The following UNKL variants were observed in gnomAD, a reference collection of about 807,000 sequenced individuals.
UNKL encodes putative E3 ubiquitin-protein ligase UNKL.
In UNKL, 60 loss-of-function variants were observed where a neutral mutation model predicts 78.0. The observed-to-expected ratio is 0.77, with a 90% confidence interval of 0.63 to 0.95. UNKL has a LOEUF of 0.95. Ranked by LOEUF, UNKL falls within the 40% of genes least tolerant of loss-of-function variation. The pLI is 0.00. For missense variants in UNKL, 1,159 were observed against 1,045.7 expected (o/e 1.11, Z -1.49); for synonymous variants, 608 against 474.8 (o/e 1.28, Z -3.65).
intron 10 of UNKL, among the ~76,000 whole-genome samples, chr16:1,378,573 G>A (rs1231701904): frequency 6.6e-6 from 1 of 152,230 alleles, no homozygotes; most frequent in Non-Finnish European, 1.5e-5. Context: ...TGCGCAGCAT[G>A]TGGAGGGGCT....
Position 1,367,245 on chromosome 16 carries a change from T to G in UNKL, c.1893A>C (p.Ala631=). 6.3e-7 allele frequency: 1 copy of G among 1,592,296 alleles called. No individual in the cohort carries two copies. Among genetic ancestry groups the G allele is most frequent in the Non-Finnish European group, 8.5e-7 (1 of 1,172,920 alleles). ...GCTCCTCCTGCAGCTGCTTCACCTG[T>G]GCCTCCACCTCCTCCTTCTTCTGCA... is the stretch of plus-strand genomic sequence containing the variant. The part of the protein sequence containing the change: ...LALQKKEEVE[A]QVKQLQEELE... The change falls in exon 14 of 15, where the codon GCA becomes GCC. Residue 631 remains alanine (A), a synonymous_variant. Coordinates refer to ENST00000389221, the MANE Select transcript of UNKL (RefSeq NM_001372107.1).
chr16:1,380,364 G>A (rs1182107796), intron 10 of UNKL, among the ~76,000 whole-genome samples: 2 of 152,198 alleles, frequency 1.3e-5, no homozygotes, highest in African/African-American at 2.4e-5. Flanking sequence ...CACGCAGCCA[G>A]GCGGGCCTAC....
In UNKL at chr16:1,394,235, A is replaced by C; in HGVS notation, c.853-20T>G. On this transcript the variant is annotated intron_variant, in intron 6 of 14. Coordinates refer to ENST00000389221, the MANE Select transcript of UNKL (RefSeq NM_001372107.1). ...GTAGATCTGGGGAAAAAAGTGAAAT[A>C]AAGAGGTTGGATTGGAAATGGGATT... 1 of 1,550,154 alleles carries C rather than the reference A, an allele frequency of 6.5e-7. No individual in the cohort carries two copies. Among genetic ancestry groups the C allele is most frequent in the South Asian group, 1.2e-5 (1 of 84,052 alleles).
chr16:1,398,679 G>GCCGCCCCCCCC, intron 5 of UNKL: 3 of 1,356,134 alleles, frequency 2.2e-6, no homozygotes, highest in East Asian at 3.3e-5. Context: ...TGTGGGGTCT[G>GCCGCCCCCCCC]CACCCCCCCA....
intron 11 of UNKL, 29 bp downstream of exon 11, chr16:1,371,490 G>A (rs1326451595): frequency 2.0e-6 from 3 of 1,532,442 alleles, no homozygotes; most frequent in Non-Finnish European, 2.6e-6. Context: ...GGCTGGAGGA[G>A]CAGGGCCCCA....
chr16:1,382,994 T>A (rs1022305805), intron 10 of UNKL, among the ~76,000 whole-genome samples: 1 of 147,780 alleles, frequency 6.8e-6, no homozygotes, highest in Non-Finnish European at 1.5e-5. Flanking sequence ...GCACAGTGGC[T>A]CACACCTGCA....
At position 1,414,669 on chromosome 16, in the gene UNKL, G is replaced by A. The variant is rs760809815; in HGVS notation, c.23C>T (p.Ala8Val). ...GGGGGACCCGCTCAGCGCCGCTGCC[G>A]CCGCTTTCGAAACCGACGGCATTTT... MPSVSKA[A>V]AAALSGSPPQ... Residue 8 changes from alanine (A) to valine (V), a missense_variant, in exon 1 of 15, where the codon GCG (alanine) becomes GTG (valine). Physicochemically the swap from Ala to Val is moderately conservative, Grantham distance 64 (BLOSUM62 0). Coordinates refer to ENST00000389221, the MANE Select transcript of UNKL (RefSeq NM_001372107.1). 6.1e-6 allele frequency: 7 copies of A among 1,152,130 alleles called. No homozygotes were observed. Among genetic ancestry groups the A allele is most frequent in the East Asian group, 6.4e-5 (1 of 15,612 alleles). 71.4% of individuals were successfully genotyped at this position (1,152,130 alleles called of 1,614,324 possible).
chr16:1,399,632 G>T lies in UNKL; in HGVS notation c.599-123C>A. ...AAGGGGCTGCAGGAGGACTTGGGGA[G>T]CGCAGACACACGCCACGGCACACGC... On this transcript the variant is annotated intron_variant, in intron 4 of 14. Transcript: ENST00000389221. This position sits in a 1 kb window ranked among gnomAD's most constrained non-coding sequence, Gnocchi z 5.8. 7.0e-7 allele frequency: 1 copy of T among 1,427,628 alleles called. No individual in the cohort carries two copies. Among genetic ancestry groups the T allele is most frequent in the Non-Finnish European group, 9.5e-7 (1 of 1,057,862 alleles). The allele number at this position is 1,427,628 out of a possible 1,614,324, so 88.4% of individuals were successfully genotyped here. A position where few individuals can be genotyped will look rare whatever the true frequency, so the allele number is the denominator to read the frequency against.
At position 1,399,079 on chromosome 16, in the gene UNKL, C is replaced by A; in HGVS notation, c.734+295G>T. ...CGGGTGGGGCACACGGGGGTCCCAG[C>A]TGGGCTTGGGGTCCCTCCTGCAGTG... On this transcript the variant is annotated intron_variant, in intron 5 of 14. Transcript: ENST00000389221. The surrounding 1 kb of genome is among the most constrained non-coding windows in gnomAD (Gnocchi z 5.8). The A allele has an allele frequency of 7.4e-7, 1 of 1,342,436 alleles. No individual in the cohort carries two copies. Among genetic ancestry groups the A allele is most frequent in the Non-Finnish European group, 9.9e-7 (1 of 1,015,164 alleles). 83.2% of individuals were successfully genotyped at this position (1,342,436 alleles called of 1,614,324 possible).
chr16:1,403,073 C>T lies in UNKL; in HGVS notation c.464+95G>A. ...AGATTTGGGCCAGCAGAGCCTGCAG[C>T]AGCAGGGAGGCGAGCCACTTGCCGA... On this transcript the variant is annotated intron_variant, in intron 3 of 14. Transcript: ENST00000389221. This position sits in a 1 kb window ranked among gnomAD's most constrained non-coding sequence, Gnocchi z 4.8. The T allele has an allele frequency of 7.2e-7, 1 of 1,394,882 alleles. No homozygotes were observed. The highest frequency in any genetic ancestry group is 9.6e-7 in the Non-Finnish European group (1 of 1,045,592). 86.4% of individuals were successfully genotyped at this position (1,394,882 alleles called of 1,614,324 possible). A position where few individuals can be genotyped will look rare whatever the true frequency, so the allele number is the denominator to read the frequency against.
chr16:1,368,418 A>T (rs563354957), intron 12 of UNKL, among the ~76,000 whole-genome samples: 2 of 151,294 alleles, frequency 1.3e-5, no homozygotes, highest in East Asian at 2.0e-4. Context: ...CTGGCTAACA[A>T]GGTGAAACCC....
chr16:1,404,817 C>T (rs988634007), intron 2 of UNKL, among the ~76,000 whole-genome samples: 2 of 152,020 alleles, frequency 1.3e-5, no homozygotes, highest in African/African-American at 4.8e-5. Flanking sequence ...AGGCTTCCGT[C>T]CACAAGACAG....
intron 2 of UNKL, among the ~76,000 whole-genome samples, chr16:1,413,464 A>C (rs2038139137): frequency 6.6e-6 from 1 of 151,956 alleles, no homozygotes; most frequent in Non-Finnish European, 1.5e-5. Context: ...GCTACTCCGG[A>C]GGCTGAGGCA....
intron 2 of UNKL, among the ~76,000 whole-genome samples, chr16:1,406,299 G>A (rs2037760218): frequency 6.6e-6 from 1 of 151,096 alleles, no homozygotes; most frequent in South Asian, 2.1e-4. Flanking sequence ...TGCAACCTCT[G>A]CCTCCTGCGT....
chr16:1,401,404 C>A, intron 4 of UNKL, 164 bp downstream of exon 4: 1 of 901,820 alleles, frequency 1.1e-6, no homozygotes, highest in Non-Finnish European at 1.5e-6. Context: ...TCGGCACCCA[C>A]CCCCTGTTGG....
At chr16:1,369,947 C>T in intron 12 of UNKL, 183 bp downstream of exon 12, 1 of 1,549,310 alleles carries the variant, frequency 6.5e-7, no homozygotes, top group Non-Finnish European at 8.7e-7. Context: ...TGCAGTCCAA[C>T]CTGGGCGACA....
intron 5 of UNKL, chr16:1,398,401 C>T (rs986183539): frequency 3.9e-6 from 4 of 1,027,492 alleles, no homozygotes; most frequent in Non-Finnish European, 4.7e-6. Context: ...CCATGACGGG[C>T]GATGACAAAA....
At chr16:1,383,262 A>C (rs1436284318) in intron 10 of UNKL, among the ~76,000 whole-genome samples, 1 of 148,266 alleles carries the variant, frequency 6.7e-6, no homozygotes, top group African/African-American at 2.5e-5. Flanking sequence ...ACAAGAGAGA[A>C]ACTCCGTCTC....
At chr16:1,379,845 C>G (rs1216179990) in intron 10 of UNKL, among the ~76,000 whole-genome samples, 2 of 152,156 alleles carry the variant, frequency 1.3e-5, no homozygotes, top group African/African-American at 4.8e-5. Flanking sequence ...GCTGGGCGGG[C>G]AAGTGGGCGC....
Sources: allele counts gnomAD v4.1 joint callset (sites outside exome capture counted in the v4.1 genomes callset), GRCh38; gene constraint gnomAD v4.1.1; non-coding constraint Gnocchi (gnomAD v3.1); transcripts MANE v1.5; gene names NCBI Gene and HGNC (gene_info 2026-07-23, HGNC 2026-07-21).